SULF1: variants seen among roughly 807,000 people sequenced by gnomAD.
SULF1 encodes sulfatase 1.
SULF1 carries 46 observed loss-of-function variants against 110.5 expected under a neutral mutation model. The observed-to-expected ratio is 0.42, with a 90% CI of 0.33 to 0.53. SULF1 has a LOEUF of 0.53. Ranked by LOEUF, SULF1 falls within the 20% of genes least tolerant of loss-of-function variation. The pLI is 0.12. For synonymous variants in SULF1, 371 were observed against 387.1 expected (o/e 0.96, Z 0.49); for missense variants, 941 against 1,094.2 (o/e 0.86, Z 1.98).
In SULF1 at chr8:69,576,101, A is replaced by C; in HGVS notation, c.304A>C (p.Asn102His). 1 of 1,614,186 alleles carries C rather than the reference A, an allele frequency of 6.2e-7. No homozygotes were observed. The highest frequency in any genetic ancestry group is 8.5e-7 in the Non-Finnish European group (1 of 1,180,038). Residue 102 changes from asparagine to histidine, a missense_variant, in exon 6 of 23, where the codon AAT (asparagine) becomes CAT (histidine). Asn to His is a moderately conservative substitution (Grantham distance 68). Transcript: ENST00000402687. ...SSMLTGKYVH[N>H]HNVYTNNENC... Reference sequence around the variant, plus strand: ...CATGCTCACCGGGAAGTATGTGCACAATCACAATGTCTACACCAACAACGA... The same window carrying C: ...CATGCTCACCGGGAAGTATGTGCACCATCACAATGTCTACACCAACAACGA...
chr8:69,554,267 C>G (rs964716668), intron 3 of SULF1, among the ~76,000 whole-genome samples: 6 of 152,176 alleles, frequency 3.9e-5, no homozygotes, highest in Admixed American at 3.3e-4. Flanking sequence ...AGGACTGGTC[C>G]ACCTATAAAC....
At chr8:69,615,201 A>G (rs1340796623) in intron 13 of SULF1, among the ~76,000 whole-genome samples, 2 of 152,318 alleles carry the variant, frequency 1.3e-5, no homozygotes, top group East Asian at 3.9e-4. Flanking sequence ...AATGCAAAAA[A>G]CATCCCTTCT....
At chr8:69,556,038 T>G (rs1252011954) in intron 3 of SULF1, among the ~76,000 whole-genome samples, 1 of 152,084 alleles carries the variant, frequency 6.6e-6, no homozygotes, top group Non-Finnish European at 1.5e-5. Context: ...ATGATTGAAC[T>G]TTATACTGTG....
chr8:69,601,648 T>C lies in SULF1; in HGVS notation c.886-6T>C. On this transcript the variant is annotated splice_region_variant and splice_polypyrimidine_tract_variant and intron_variant, in intron 9 of 22. Transcript: ENST00000402687. ...GATTCTGACTTGTTCCTTTGCTGTA[T>C]TTCAGCTGTATAACATGCTCGTGGA... 6.2e-7 allele frequency: 1 copy of C among 1,602,128 alleles called. No individual in the cohort carries two copies. Among genetic ancestry groups the C allele is most frequent in the African/African-American group, 1.3e-5 (1 of 74,750 alleles).
chr8:69,489,504 T>TAA (rs937093124), upstream of SULF1, among the ~76,000 whole-genome samples: 1 of 138,938 alleles, frequency 7.2e-6, no homozygotes, highest in Non-Finnish European at 1.6e-5. Context: ...GCCAGAGGGC[T>TAA]AAAAAAAAAA....
intron 3 of SULF1, among the ~76,000 whole-genome samples, chr8:69,561,304 G>A (rs1815469690): frequency 2.6e-5 from 4 of 151,772 alleles, no homozygotes; most frequent in Admixed American, 2.6e-4. Context: ...GATACACTGT[G>A]GCAGAAAAAA....
chr8:69,651,280 T>TGACCTCAGGTGATCCGCC (rs1452068661), intron 22 of SULF1, among the ~76,000 whole-genome samples: 1 of 152,128 alleles, frequency 6.6e-6, no homozygotes, highest in Admixed American at 6.5e-5. Flanking sequence ...CTTGAACTCC[T>TGACCTCAGGTGATCCGCC]GACCTCAGGT....
intron 3 of SULF1, among the ~76,000 whole-genome samples, chr8:69,556,285 TG>T (rs1815112562): frequency 6.6e-6 from 1 of 152,160 alleles, no homozygotes; most frequent in Non-Finnish European, 1.5e-5. Context: ...TGCCGTTGAG[TG>T]GGGCCACAAG....
chr8:69,600,973 A>C (rs928015859), intron 9 of SULF1, among the ~76,000 whole-genome samples: 3 of 152,182 alleles, frequency 2.0e-5, no homozygotes, highest in Admixed American at 6.5e-5. Flanking sequence ...TGGAGCCAGT[A>C]AAAAAGAGGA....
chr8:69,638,561 G>A lies in SULF1; in HGVS notation c.2344G>A (p.Val782Ile). Residue 782 changes from valine (V) to isoleucine (I), a missense_variant, in exon 20 of 23, where the codon GTT (valine) becomes ATT (isoleucine). Val to Ile is a conservative substitution (Grantham distance 29). This residue lies in a region of SULF1 where 112 missense variants were observed against 133.5 expected (regional missense o/e 0.84). Transcript: ENST00000402687. ...NNNTYWCLRTVNETHNFLFCE... is the reference protein window; with the variant it reads ...NNNTYWCLRTINETHNFLFCE... ...TAACACCTACTGGTGTTTGCGTACA[G>A]TTAATGAGACGCATAATTTTCTTTT... 1.9e-6 allele frequency: 3 copies of A among 1,614,088 alleles called. No homozygotes were observed. Among genetic ancestry groups the A allele is most frequent in the Non-Finnish European group, 2.5e-6 (3 of 1,179,966 alleles).
At chr8:69,554,775 C>T (rs988132506) in intron 3 of SULF1, among the ~76,000 whole-genome samples, 3 of 151,714 alleles carry the variant, frequency 2.0e-5, no homozygotes, top group Non-Finnish European at 4.4e-5. Context: ...GTCAGTAGAT[C>T]GAGACCATCC....
chr8:69,647,620 G>A (rs540713065), intron 22 of SULF1, among the ~76,000 whole-genome samples: 11 of 151,988 alleles, frequency 7.2e-5, no homozygotes, highest in South Asian at 4.2e-4. Flanking sequence ...AAATAAAAAC[G>A]GCTAGGCACA....
At chr8:69,596,743 C>T (rs1807369248) in intron 8 of SULF1, among the ~76,000 whole-genome samples, 1 of 152,164 alleles carries the variant, frequency 6.6e-6, no homozygotes, top group South Asian at 2.1e-4. Flanking sequence ...TTTACTTCCT[C>T]ATTTGTAACA....
At chr8:69,507,101 A>G (rs942266167) in intron 3 of SULF1, among the ~76,000 whole-genome samples, 3 of 152,216 alleles carry the variant, frequency 2.0e-5, no homozygotes, top group African/African-American at 7.2e-5. Flanking sequence ...TTTGTTTCAG[A>G]TCACCATGCC....
At position 69,658,521 on chromosome 8, in the gene SULF1, G is replaced by A; in HGVS notation, c.2602G>A (p.Gly868Arg). ...TTTTCACAGAGGACAGTTATGGGAT[G>A]GATGGGAAGGTTAATCAGCCCCGTC... ...YDLHRGQLWD[G>R]WEG The change falls in exon 23 of 23, where the codon GGA becomes AGA. Residue 868 changes from glycine (G) to arginine (R), a missense_variant. Gly to Arg is a moderately radical substitution (Grantham distance 125). Transcript: ENST00000402687. The A allele has an allele frequency of 1.9e-6, 3 of 1,607,388 alleles. No individual in the cohort carries two copies. The South Asian group carries it at 3.3e-5, about 18-fold the overall frequency.
At chr8:69,537,934 A>G (rs1813538131) in intron 3 of SULF1, among the ~76,000 whole-genome samples, 2 of 151,952 alleles carry the variant, frequency 1.3e-5, no homozygotes, top group Non-Finnish European at 2.9e-5. Context: ...AAAAAAAGTA[A>G]TTTTCTCAAG....
At chr8:69,562,921 G>C (rs1430319153) in intron 3 of SULF1, 1 of 152,748 alleles carries the variant, frequency 6.5e-6, no homozygotes, top group Non-Finnish European at 1.5e-5. Context: ...GAGTGGGACA[G>C]AGGAACCAGC....
intron 1 of SULF1, among the ~76,000 whole-genome samples, chr8:69,468,409 C>CT (rs940162752): frequency 6.6e-6 from 1 of 151,956 alleles, no homozygotes. Flanking sequence ...TTTTAAAATC[C>CT]TTTTTTTAAA....
chr8:69,502,585 A>G (rs1810879982), intron 3 of SULF1, among the ~76,000 whole-genome samples: 1 of 152,012 alleles, frequency 6.6e-6, no homozygotes, highest in African/African-American at 2.4e-5. Flanking sequence ...CACCCCTAAA[A>G]ACTAATGCAA....
Sources: allele counts gnomAD v4.1 joint callset (sites outside exome capture counted in the v4.1 genomes callset), GRCh38; gene constraint gnomAD v4.1.1; regional missense constraint gnomAD v4.1.1; transcripts MANE v1.5; gene names NCBI Gene and HGNC (gene_info 2026-07-23, HGNC 2026-07-21).